The following FAM168A variants were observed in gnomAD, a reference collection of about 807,000 sequenced individuals.
The protein encoded by FAM168A is protein FAM168A.
FAM168A carries 3 observed loss-of-function variants against 28.5 expected under a neutral mutation model. The observed-to-expected ratio is 0.11, with a 90% CI of 0.05 to 0.27. The LOEUF (loss-of-function observed/expected upper bound fraction) is 0.27, where lower values mean the gene tolerates loss of function less well. FAM168A is among the 10% of genes least tolerant of loss of function. The probability of loss-of-function intolerance (pLI) is 1.00; values close to 1 mark genes in which losing one functional copy is unlikely to be tolerated. For missense variants in FAM168A, 222 were observed against 311.5 expected, an observed-to-expected ratio of 0.71 and a Z score of 2.16; for synonymous variants, 122 against 124.2, an observed-to-expected ratio of 0.98 and a Z score of 0.12.
At chr11:73,447,611 T>A (rs1246533179) in intron 2 of FAM168A, among the ~76,000 whole-genome samples, 1 of 151,580 alleles carries the variant, frequency 6.6e-6, no homozygotes, top group Non-Finnish European at 1.5e-5. Flanking sequence ...CTAGTATCAG[T>A]CCAGTGATGG....
chr11:73,531,971 AT>A (rs1016007383), intron 1 of FAM168A, among the ~76,000 whole-genome samples: 303 of 123,464 alleles, frequency 2.5e-3, no homozygotes, highest in African/African-American at 5.8e-3. Context: ...TGCCTGGCTA[AT>A]TTTTTTTTTT....
At chr11:73,473,031 A>G (rs1346888855) in intron 1 of FAM168A, among the ~76,000 whole-genome samples, 1 of 152,094 alleles carries the variant, frequency 6.6e-6, no homozygotes, top group African/African-American at 2.4e-5. Context: ...AAAAAAAGGA[A>G]AAAAAATAAT....
At chr11:73,596,101 G>A (rs1161652648) in intron 1 of FAM168A, among the ~76,000 whole-genome samples, 1 of 152,204 alleles carries the variant, frequency 6.6e-6, no homozygotes. Flanking sequence ...TCAATTTAAA[G>A]AGGGGGTAAA....
Position 73,411,476 on chromosome 11 carries a change from G to A in FAM168A, c.338C>T (p.Pro113Leu), listed in dbSNP as rs376201217. 6.2e-7 allele frequency: 1 copy of A among 1,613,888 alleles called. No homozygotes were observed. Among genetic ancestry groups the A allele is most frequent in the South Asian group, 1.1e-5 (1 of 91,068 alleles). Residue 113 changes from proline to leucine, a missense_variant, in exon 5 of 8, where the codon CCC becomes CTC. Around this residue, in one of 3 missense-constraint regions of FAM168A, gnomAD observed 153 missense variants for 189.2 expected, o/e 0.81. Transcript: ENST00000356467. ...PPTQSNTAPP[P>L]YSPSPNPYQT... is the part of the protein sequence containing the mutation. ...ATAGGGGTTGGGTGATGGGGAGTAGGGGGGTGGAGCAGTGTTACTCTGGGT... is the reference window on the plus strand; with the variant it reads ...ATAGGGGTTGGGTGATGGGGAGTAGAGGGGTGGAGCAGTGTTACTCTGGGT...
intron 7 of FAM168A, 30 bp from the exon 8 acceptor site, chr11:73,406,774 T>C (rs964291101): frequency 1.3e-5 from 2 of 152,576 alleles, no homozygotes; most frequent in Non-Finnish European, 2.9e-5. Context: ...AGAAACAGTG[T>C]CAGTGATATT....
At chr11:73,550,309 T>A (rs1277840468) in intron 1 of FAM168A, among the ~76,000 whole-genome samples, 1 of 152,026 alleles carries the variant, frequency 6.6e-6, no homozygotes, top group Non-Finnish European at 1.5e-5. Context: ...GAATAGAAGG[T>A]GGGGAAACCA....
At chr11:73,551,318 G>C (rs1410702518) in intron 1 of FAM168A, among the ~76,000 whole-genome samples, 1 of 152,198 alleles carries the variant, frequency 6.6e-6, no homozygotes, top group Non-Finnish European at 1.5e-5. Flanking sequence ...GTGGAGGTGA[G>C]ACAGTAGGTA....
chr11:73,565,414 C>T (rs1166445202), intron 1 of FAM168A, among the ~76,000 whole-genome samples: 2 of 152,078 alleles, frequency 1.3e-5, no homozygotes, highest in African/African-American at 4.8e-5. Flanking sequence ...AGTTTATGCT[C>T]ATTGAGACAG....
chr11:73,431,267 G>A (rs543441379), intron 2 of FAM168A, among the ~76,000 whole-genome samples: 1 of 152,234 alleles, frequency 6.6e-6, no homozygotes, highest in South Asian at 2.1e-4. Context: ...ACTTGAACTC[G>A]GGAGGCAGAG....
chr11:73,443,284 A>C (rs1007234618), intron 2 of FAM168A, among the ~76,000 whole-genome samples: 20 of 152,130 alleles, frequency 1.3e-4, no homozygotes, highest in Admixed American at 1.3e-3. Context: ...GGCCAATTTA[A>C]CTAAATAAAT....
At chr11:73,421,893 T>A (rs1426830447) in intron 3 of FAM168A, among the ~76,000 whole-genome samples, 1 of 152,198 alleles carries the variant, frequency 6.6e-6, no homozygotes, top group Non-Finnish European at 1.5e-5. Flanking sequence ...AATTTTTTCC[T>A]CCAAGTGGTA....
At chr11:73,494,792 G>T (rs1178236445) in intron 1 of FAM168A, among the ~76,000 whole-genome samples, 1 of 152,146 alleles carries the variant, frequency 6.6e-6, no homozygotes, top group Non-Finnish European at 1.5e-5. Context: ...TTGAAGTCAG[G>T]AGTTCAAGAC....
intron 2 of FAM168A, among the ~76,000 whole-genome samples, chr11:73,448,099 G>A (rs2134542514): frequency 6.6e-6 from 1 of 152,314 alleles, no homozygotes; most frequent in Middle Eastern, 3.4e-3. Context: ...CCAGGGTGGA[G>A]TACAGTGATG....
chr11:73,543,730 T>C (rs960924550), intron 1 of FAM168A, among the ~76,000 whole-genome samples: 2 of 152,200 alleles, frequency 1.3e-5, no homozygotes, highest in East Asian at 3.8e-4. Context: ...GCTATATTTA[T>C]TTCCTCTGGG....
intron 6 of FAM168A, among the ~76,000 whole-genome samples, chr11:73,409,185 C>G (rs1004948082): frequency 4.6e-5 from 7 of 152,176 alleles, no homozygotes; most frequent in African/African-American, 1.7e-4. Context: ...TCCGAAGGGC[C>G]TTGGCTCCAT....
intron 1 of FAM168A, among the ~76,000 whole-genome samples, chr11:73,523,888 C>A (rs1356248130): frequency 2.1e-5 from 3 of 144,038 alleles, no homozygotes; most frequent in African/African-American, 5.3e-5. Flanking sequence ...GAAGAGAGAG[C>A]ATCTCACTCT....
chr11:73,544,867 A>ATTATATAT lies in FAM168A; in HGVS notation c.-19+53055_-19+53056insATATATAA, dbSNP rs1943712224. Among the ~76,000 whole-genome samples, 59 of 95,812 alleles carry ATTATATAT rather than the reference A, an allele frequency of 6.2e-4. 2 individuals carry two copies. The highest frequency in any genetic ancestry group is 3.0e-3 in the African/African-American group (58 of 19,336). The allele number at this position is 95,812 out of a possible 152,430, so 62.9% of individuals were successfully genotyped here. A position where few individuals can be genotyped will look rare whatever the true frequency, so the allele number is the denominator to read the frequency against. ...ATTAAATATATAATATATAATATATAATTATATATATTATATATAAAATAT... is the reference window on the plus strand; with the variant it reads ...ATTAAATATATAATATATAATATATATTATATATATTATATATATTATATATAAAATAT... On this transcript the variant is annotated intron_variant, in intron 1 of 7. Coordinates refer to ENST00000356467, the MANE Select transcript of FAM168A (RefSeq NM_015159.3).
intron 4 of FAM168A, among the ~76,000 whole-genome samples, chr11:73,417,559 C>CTTT (rs11284405): frequency 7.7e-5 from 10 of 130,000 alleles, no homozygotes; most frequent in East Asian, 4.1e-4. Context: ...ACCTCTCTCT[C>CTTT]TTTTTTTTTT....
chr11:73,506,106 A>C (rs76481342), intron 1 of FAM168A, among the ~76,000 whole-genome samples: 1 of 152,144 alleles, frequency 6.6e-6, no homozygotes, highest in South Asian at 2.1e-4. Flanking sequence ...CTCCATGTTA[A>C]CTGCAGGCAG....
Sources: allele counts gnomAD v4.1 joint callset (sites outside exome capture counted in the v4.1 genomes callset), GRCh38; gene constraint gnomAD v4.1.1; regional missense constraint gnomAD v4.1.1; transcripts MANE v1.5; gene names NCBI Gene and HGNC (gene_info 2026-07-23, HGNC 2026-07-21).